The following YTHDF2 variants were observed in gnomAD, a reference collection of about 807,000 sequenced individuals.
The protein encoded by YTHDF2 is YTH domain-containing family protein 2.
Under a neutral mutation model 50.4 loss-of-function variants are expected in YTHDF2, and 2 were observed. That is an observed-to-expected ratio of 0.04 (90% CI 0.02 to 0.12). YTHDF2 has a LOEUF of 0.12. Among genes scored for constraint, YTHDF2 ranks in the 10% least tolerant of loss-of-function variants. YTHDF2 has a pLI of 1.00. For missense variants in YTHDF2, 483 were observed against 722.6 expected, an observed-to-expected ratio of 0.67 and a Z score of 3.80; for synonymous variants, 217 against 255.6, an observed-to-expected ratio of 0.85 and a Z score of 1.44.
intron 4 of YTHDF2, among the ~76,000 whole-genome samples, chr1:28,753,630 G>A (rs2087991195): frequency 6.6e-6 from 1 of 151,710 alleles, no homozygotes; most frequent in Admixed American, 6.6e-5. Flanking sequence ...GAAGTTTAAT[G>A]TGGTCTAGAA....
chr1:28,749,632 G>C (rs2087918541), intron 4 of YTHDF2, among the ~76,000 whole-genome samples: 1 of 152,066 alleles, frequency 6.6e-6, no homozygotes, highest in African/African-American at 2.4e-5. Context: ...TAAAAATGAG[G>C]GAAGTAGTCA....
At chr1:28,750,021 A>G (rs1446236933) in intron 4 of YTHDF2, among the ~76,000 whole-genome samples, 5 of 61,994 alleles carry the variant, frequency 8.1e-5, no homozygotes, top group Non-Finnish European at 1.5e-4. Flanking sequence ...ATGGAGTTTC[A>G]CTTTTGTCAC....
chr1:28,751,372 T>G (rs938844082), intron 4 of YTHDF2, among the ~76,000 whole-genome samples: 9 of 152,144 alleles, frequency 5.9e-5, no homozygotes, highest in Non-Finnish European at 1.0e-4. Context: ...ATTTAGTATC[T>G]TACCACCCCA....
Position 28,742,725 on chromosome 1 carries a change from A to G in YTHDF2, c.455A>G (p.Asn152Ser), listed in dbSNP as rs779219050. The G allele has an allele frequency of 6.2e-7, 1 of 1,614,170 alleles. No individual in the cohort carries two copies. Among genetic ancestry groups the G allele is most frequent in the Non-Finnish European group, 8.5e-7 (1 of 1,180,030 alleles). The change falls in exon 4 of 5, where the codon AAT (asparagine) becomes AGT (serine). Residue 152 changes from asparagine (N) to serine (S), a missense_variant. Physicochemically the swap from Asn to Ser is conservative, Grantham distance 46 (BLOSUM62 1). Coordinates refer to ENST00000373812, the MANE Select transcript of YTHDF2 (RefSeq NM_016258.3). ...ACTCAGAGCTCTGGATATAGTAGCA[A>G]TTATGCTTATGCACCTAGCTCCTTA... ...QSTQSSGYSS[N>S]YAYAPSSLGG...
At chr1:28,739,457 C>T (rs904931534) in intron 3 of YTHDF2, among the ~76,000 whole-genome samples, 4 of 151,764 alleles carry the variant, frequency 2.6e-5, no homozygotes, top group Admixed American at 6.6e-5. Context: ...CCACCATGCC[C>T]GGCTAATTTT....
rs2124197935 is a variant in YTHDF2 at position 28,758,931 on chromosome 1, A to G, written c.1717-9998A>G. Reference sequence around the variant, plus strand: ...CTTTTGAGTCACCTTGAAAGTTTAAAAAATACATTGATAACCTAGGTTCTA... The same window carrying G: ...CTTTTGAGTCACCTTGAAAGTTTAAGAAATACATTGATAACCTAGGTTCTA... On this transcript the variant is annotated intron_variant, in intron 4 of 4. Transcript: ENST00000373812. Among the ~76,000 whole-genome samples the G allele has an allele frequency of 2.0e-5, 3 of 152,358 alleles. No individual in the cohort carries two copies. In the Middle Eastern group the frequency reaches 0.01, roughly 518 times the overall value.
intron 4 of YTHDF2, among the ~76,000 whole-genome samples, chr1:28,751,103 A>T (rs2087945720): frequency 6.7e-6 from 1 of 148,260 alleles, no homozygotes; most frequent in Non-Finnish European, 1.5e-5. Flanking sequence ...AAAAAAAAAA[A>T]AAAAAAAGGC....
At position 28,738,157 on chromosome 1, in the gene YTHDF2, T is replaced by C. The variant is rs2087723593; in HGVS notation, c.53-102T>C. On this transcript the variant is annotated intron_variant, in intron 2 of 4. Coordinates refer to ENST00000373812, the MANE Select transcript of YTHDF2 (RefSeq NM_016258.3). ...CCTTTTGAAGTTCAATCTTACGTGC[T>C]TTGTTAACTAGTAAGGTTTTTCTCT... 3.4e-6 allele frequency: 3 copies of C among 876,960 alleles called. No homozygotes were observed. In the South Asian group the frequency reaches 4.7e-5, roughly 14 times the overall value. 54.3% of individuals were successfully genotyped at this position (876,960 alleles called of 1,614,324 possible).
intron 4 of YTHDF2, among the ~76,000 whole-genome samples, chr1:28,745,184 A>G (rs1225224478): frequency 6.6e-6 from 1 of 152,154 alleles, no homozygotes; most frequent in Non-Finnish European, 1.5e-5. Flanking sequence ...CTCTATGAGA[A>G]TTTACTCCTT....
chr1:28,764,323 G>GGC (rs2088185089), intron 4 of YTHDF2, among the ~76,000 whole-genome samples: 1 of 151,498 alleles, frequency 6.6e-6, no homozygotes. Flanking sequence ...CCAGGCTGGA[G>GGC]TACAGTGGCG....
At chr1:28,768,274 T>C (rs1034999457) in intron 4 of YTHDF2, among the ~76,000 whole-genome samples, 2 of 152,196 alleles carry the variant, frequency 1.3e-5, no homozygotes, top group Admixed American at 1.3e-4. Context: ...GATAAGTTTC[T>C]GAAAGACTCA....
chr1:28,753,767 C>T (rs1241914173), intron 4 of YTHDF2, among the ~76,000 whole-genome samples: 2 of 148,836 alleles, frequency 1.3e-5, no homozygotes, highest in African/African-American at 2.5e-5. Context: ...AGTGCAATGG[C>T]GCGATCTTGG....
intron 4 of YTHDF2, among the ~76,000 whole-genome samples, chr1:28,761,904 T>C (rs980766859): frequency 3.3e-5 from 5 of 152,202 alleles, no homozygotes; most frequent in Admixed American, 3.3e-4. Context: ...AAAAATACTT[T>C]GTCTCTTTAT....
intron 4 of YTHDF2, among the ~76,000 whole-genome samples, chr1:28,744,341 A>G (rs925429485): frequency 6.6e-6 from 1 of 152,200 alleles, no homozygotes; most frequent in African/African-American, 2.4e-5. Context: ...TTGAGTCTAT[A>G]ATATGGCAGA....
At chr1:28,753,605 A>G (rs2087990967) in intron 4 of YTHDF2, among the ~76,000 whole-genome samples, 2 of 151,696 alleles carry the variant, frequency 1.3e-5, no homozygotes, top group South Asian at 2.1e-4. Context: ...TGCTTATGGT[A>G]TGTTTTCAGA....
At chr1:28,759,086 G>A (rs996637011) in intron 4 of YTHDF2, among the ~76,000 whole-genome samples, 1 of 152,178 alleles carries the variant, frequency 6.6e-6, no homozygotes, top group Non-Finnish European at 1.5e-5. Flanking sequence ...CTTACTTTGA[G>A]ATTCTTGTTC....
intron 4 of YTHDF2, among the ~76,000 whole-genome samples, chr1:28,761,358 G>A (rs2088127393): frequency 6.6e-6 from 1 of 151,292 alleles, no homozygotes; most frequent in Admixed American, 6.6e-5. Context: ...GGCTGTTCTT[G>A]AATTCCTGGG....
At position 28,737,339 on chromosome 1, in the gene YTHDF2, C is replaced by T; in HGVS notation, c.27+192C>T. The T allele has an allele frequency of 4.0e-6, 3 of 750,580 alleles. No individual in the cohort carries two copies. In the South Asian group the frequency reaches 6.2e-5, roughly 15 times the overall value. 46.5% of individuals were successfully genotyped at this position (750,580 alleles called of 1,614,324 possible). A position where few individuals can be genotyped will look rare whatever the true frequency, so the allele number is the denominator to read the frequency against. ...CTGTTCTTCCCGCTTCTCCTCGGGC[C>T]TCGGAGCCCACGGGCCGGGCCGCGC... On this transcript the variant is annotated intron_variant, in intron 1 of 4. Transcript: ENST00000373812.
At chr1:28,737,391 GT>G in intron 1 of YTHDF2, 1 of 631,742 alleles carries the variant, frequency 1.6e-6, no homozygotes, top group African/African-American at 1.9e-5. Flanking sequence ...GGCGGGCCTC[GT>G]TTTCCTTCCT....
Sources: allele counts gnomAD v4.1 joint callset (sites outside exome capture counted in the v4.1 genomes callset), GRCh38; gene constraint gnomAD v4.1.1; transcripts MANE v1.5; gene names NCBI Gene and HGNC (gene_info 2026-07-23, HGNC 2026-07-21).